Variants in STARD9 observed in about 807,000 individuals in gnomAD.
STARD9 encodes the protein stAR-related lipid transfer protein 9.
A neutral mutation model predicts 399.8 loss-of-function variants in STARD9; 346 were observed. The ratio of observed to expected loss-of-function variants is 0.87; its 90% confidence interval spans 0.79 to 0.95. The LOEUF is 0.95. Ranked by LOEUF, STARD9 falls within the 40% of genes least tolerant of loss-of-function variation. The pLI is 0.00. For missense variants in STARD9, 5,832 were observed against 5,667.5 expected (o/e 1.03, Z -0.93); for synonymous variants, 2,203 against 2,143.5 (o/e 1.03, Z -0.77).
Position 42,674,788 on chromosome 15 carries a change from A to G in STARD9, c.1550-39A>G, listed in dbSNP as rs759951883. Reference sequence around the variant, plus strand: ...AGAAATGGAGAGGGTGTTTCCCTGCATCGTCCTCCCACCCAAGTGACCACC... The same window carrying G: ...AGAAATGGAGAGGGTGTTTCCCTGCGTCGTCCTCCCACCCAAGTGACCACC... On this transcript the variant is annotated intron_variant, in intron 17 of 32. Coordinates refer to ENST00000290607, the MANE Select transcript of STARD9 (RefSeq NM_020759.3). 3.4e-6 allele frequency: 5 copies of G among 1,491,764 alleles called. No individual in the cohort carries two copies. In the Admixed American group the frequency reaches 9.0e-5, roughly 27 times the overall value. The allele number at this position is 1,491,764 out of a possible 1,614,324, so 92.4% of individuals were successfully genotyped here. A position where few individuals can be genotyped will look rare whatever the true frequency, so the allele number is the denominator to read the frequency against.
intron 1 of STARD9, 99 bp downstream of exon 1, chr15:42,575,861 G>A: frequency 7.5e-7 from 1 of 1,341,520 alleles, no homozygotes; most frequent in Non-Finnish European, 1.0e-6. Flanking sequence ...CGCAGAAATC[G>A]GTGACAAAGT....
intron 3 of STARD9, among the ~76,000 whole-genome samples, chr15:42,612,568 G>T (rs1309877590): frequency 3.3e-5 from 5 of 152,170 alleles, no homozygotes; most frequent in Non-Finnish European, 7.3e-5. Context: ...GAGGAGGGAA[G>T]TGTTAGAGCT....
chr15:42,577,443 G>T (rs1330126001), intron 1 of STARD9, among the ~76,000 whole-genome samples: 11 of 152,206 alleles, frequency 7.2e-5, no homozygotes, highest in Admixed American at 7.2e-4. Flanking sequence ...GTGAGCCACT[G>T]CGCCCAGCCG....
chr15:42,691,483 A>G lies in STARD9; in HGVS notation c.9905A>G (p.His3302Arg). ...GGCAGAGAGCAGCCAGCACCCAACCACAGGGGCTCACTTCCTGTGACTACA... is the reference window on the plus strand; with the variant it reads ...GGCAGAGAGCAGCCAGCACCCAACCGCAGGGGCTCACTTCCTGTGACTACA... ...YTGREQPAPN[H>R]RGSLPVTTIF... The change falls in exon 23 of 33, where the codon CAC becomes CGC. Residue 3302 changes from histidine (H) to arginine (R), a missense_variant. Physicochemically the swap from His to Arg is conservative, Grantham distance 29 (BLOSUM62 0). Around this residue, in one of 2 missense-constraint regions of STARD9, gnomAD observed 5,828 missense variants for 5,651.1 expected, o/e 1.03. Coordinates refer to ENST00000290607, the MANE Select transcript of STARD9 (RefSeq NM_020759.3). 1 of 1,537,178 alleles carries G rather than the reference A, an allele frequency of 6.5e-7. No individual in the cohort carries two copies. Among genetic ancestry groups the G allele is most frequent in the Non-Finnish European group, 8.7e-7 (1 of 1,146,878 alleles).
Position 42,691,102 on chromosome 15 carries a change from C to G in STARD9, c.9524C>G (p.Pro3175Arg). Residue 3175 changes from proline to arginine, a missense_variant, in exon 23 of 33, where the codon CCA becomes CGA. By Grantham distance (103) the Pro-to-Arg change is moderately radical (BLOSUM62 -2). Transcript: ENST00000290607. The stretch of plus-strand genomic sequence containing the variant: ...ACCACTAGATGTTTTTTGGAAAAGC[C>G]ACAATTTTCCACTGAGTTGAGGGAT... ...ENTTRCFLEK[P>R]QFSTELRDHN... 2 of 1,537,152 alleles carry G rather than the reference C, an allele frequency of 1.3e-6. No homozygotes were observed. The highest frequency in any genetic ancestry group is 1.7e-6 in the Non-Finnish European group (2 of 1,146,882).
At position 42,682,171 on chromosome 15, in the gene STARD9, G is replaced by T. The variant is rs2060444568; in HGVS notation, c.2133G>T (p.Gln711His). The T allele has an allele frequency of 1.3e-6, 2 of 1,537,248 alleles. No homozygotes were observed. The highest frequency in any genetic ancestry group is 1.7e-6 in the Non-Finnish European group (2 of 1,146,906). ...TGCAACAGCAGCAGCAAGAAGACCA[G>T]GTAGCAGAGAAAGAACTTGAGGCAT... ...ASLQQQQQED[Q>H]VAEKELEASV... Residue 711 changes from glutamine to histidine, a missense_variant, in exon 22 of 33, where the codon CAG becomes CAT. Physicochemically the swap from Gln to His is conservative, Grantham distance 24. Transcript: ENST00000290607.
chr15:42,625,647 AT>A (rs11399920), intron 3 of STARD9, among the ~76,000 whole-genome samples: 9 of 138,580 alleles, frequency 6.5e-5, no homozygotes, highest in Admixed American at 3.0e-4. Flanking sequence ...TCTTCTTCCT[AT>A]TTTTTTTTTT....
Position 42,688,637 on chromosome 15 carries a change from A to G in STARD9, c.7059A>G (p.Leu2353=), listed in dbSNP as rs1431952603. The change falls in exon 23 of 33, where the codon CTA becomes CTG. Residue 2353 remains leucine (L), a synonymous_variant. Coordinates refer to ENST00000290607, the MANE Select transcript of STARD9 (RefSeq NM_020759.3). ...GGTGTCTTCATGTACCTGTTGCTCT[A>G]GGCATCTCTTCACTTGACTGTGTGC... ...PRRCLHVPVA[L]GISSLDCVLD... is the part of the protein sequence containing the mutation. 6 of 1,537,604 alleles carry G rather than the reference A, an allele frequency of 3.9e-6. No homozygotes were observed. The highest frequency in any genetic ancestry group is 5.2e-6 in the Non-Finnish European group (6 of 1,146,994).
intron 7 of STARD9, among the ~76,000 whole-genome samples, chr15:42,643,727 A>G (rs2059590037): frequency 6.6e-6 from 1 of 151,828 alleles, no homozygotes; most frequent in Admixed American, 6.6e-5. Flanking sequence ...CAAACTCCTG[A>G]CCTTGTGATC....
intron 26 of STARD9, among the ~76,000 whole-genome samples, chr15:42,715,547 C>T (rs904530851): frequency 6.8e-6 from 1 of 146,586 alleles, no homozygotes; most frequent in East Asian, 2.0e-4. Flanking sequence ...GAGATGGAGT[C>T]TCTCTCTGTT....
intron 3 of STARD9, among the ~76,000 whole-genome samples, chr15:42,609,449 T>C (rs1267684435): frequency 6.6e-6 from 1 of 151,966 alleles, no homozygotes; most frequent in East Asian, 1.9e-4. Flanking sequence ...AAAACTTTTT[T>C]TTTTTTTTTG....
chr15:42,578,173 C>T (rs1166310834), intron 1 of STARD9, among the ~76,000 whole-genome samples: 4 of 151,172 alleles, frequency 2.6e-5, no homozygotes, highest in East Asian at 1.9e-4. Context: ...TGCAATGGCG[C>T]GATCTCAGCT....
At position 42,690,302 on chromosome 15, in the gene STARD9, TC is replaced by T; in HGVS notation, c.8726del (p.Pro2909LeufsTer17). 6.5e-7 allele frequency: 1 copy of T among 1,537,188 alleles called. No homozygotes were observed. The highest frequency in any genetic ancestry group is 8.7e-7 in the Non-Finnish European group (1 of 1,146,898). ...TGCCAGATCAAAGACCAAGCGCAAA[TC>T]CTGGGGGAATTGGGGAGGAAGCCCC... Reference protein sequence around the residue: ...PLPDQRPSANPGGIGEEAPCR... With the variant: ...PLPDQRPSANXGGIGEEAPCR... On this transcript the variant is annotated frameshift_variant, in exon 23 of 33. Transcript: ENST00000290607. LOFTEE classifies it high-confidence loss of function.
intron 7 of STARD9, among the ~76,000 whole-genome samples, chr15:42,645,586 G>A (rs1209448506): frequency 1.3e-5 from 2 of 150,490 alleles, no homozygotes; most frequent in East Asian, 3.9e-4. Flanking sequence ...TTTTGAGAGA[G>A]GGAGGGTCTT....
chr15:42,655,099 T>C (rs1427789912), intron 9 of STARD9, among the ~76,000 whole-genome samples: 1 of 152,122 alleles, frequency 6.6e-6, no homozygotes, highest in African/African-American at 2.4e-5. Flanking sequence ...CTGGCCAACA[T>C]GGTGAAACCC....
At chr15:42,600,103 T>C (rs1420246356) in intron 3 of STARD9, among the ~76,000 whole-genome samples, 5 of 152,192 alleles carry the variant, frequency 3.3e-5, no homozygotes, top group African/African-American at 1.2e-4. Context: ...AGTGCCCATC[T>C]TTCCAAGTGT....
Position 42,687,836 on chromosome 15 carries a change from C to G in STARD9, c.6258C>G (p.Phe2086Leu). ...CAGGAACCGATAAGGAGTTGGTGTT[C>G]CAGGACCAGAAGGAGCAGGAGAAGA... ...HTPGTDKELV[F>L]QDQKEQEKTD... The change falls in exon 23 of 33, where the codon TTC becomes TTG. Residue 2086 changes from phenylalanine (F) to leucine (L), a missense_variant. Physicochemically the swap from Phe to Leu is conservative, Grantham distance 22 (BLOSUM62 0). Around this residue, in one of 2 missense-constraint regions of STARD9, gnomAD observed 5,828 missense variants for 5,651.1 expected, o/e 1.03. Transcript: ENST00000290607. The G allele has an allele frequency of 6.5e-7, 1 of 1,537,342 alleles. No homozygotes were observed. Among genetic ancestry groups the G allele is most frequent in the South Asian group, 1.2e-5 (1 of 84,058 alleles).
chr15:42,685,973 G>T lies in STARD9; in HGVS notation c.4395G>T (p.Val1465=). 6.5e-7 allele frequency: 1 copy of T among 1,537,256 alleles called. No individual in the cohort carries two copies. The highest frequency in any genetic ancestry group is 8.7e-7 in the Non-Finnish European group (1 of 1,146,926). ...CCCACAATTCTAGCGTATCAAACGT[G>T]CTGGCTGCCTCTGCCACCACCTTGA... ...EASHNSSVSN[V]LAASATTLTH... Residue 1465 remains valine (V), a synonymous_variant, in exon 23 of 33, where the codon GTG becomes GTT. Coordinates refer to ENST00000290607, the MANE Select transcript of STARD9 (RefSeq NM_020759.3).
chr15:42,694,275 AGT>A lies in STARD9; in HGVS notation c.12699_12700del (p.Ser4233ArgfsTer9). 1 of 1,523,340 alleles carries A rather than the reference AGT, an allele frequency of 6.6e-7. No individual in the cohort carries two copies. The highest frequency in any genetic ancestry group is 8.8e-7 in the Non-Finnish European group (1 of 1,139,764). 94.4% of individuals were successfully genotyped at this position (1,523,340 alleles called of 1,614,324 possible). ...EADALLQVLQ[S>X]GTGEALAADE... The stretch of plus-strand genomic sequence containing the variant: ...CGATGCCCTGCTCCAGGTGCTGCAG[AGT>A]GGGACAGGGGAGGCGCTTGCTGCTG... On this transcript the variant is annotated frameshift_variant, in exon 23 of 33. Coordinates refer to ENST00000290607, the MANE Select transcript of STARD9 (RefSeq NM_020759.3). LOFTEE classifies it high-confidence loss of function.
Sources: allele counts gnomAD v4.1 joint callset (sites outside exome capture counted in the v4.1 genomes callset), GRCh38; gene constraint gnomAD v4.1.1; regional missense constraint gnomAD v4.1.1; transcripts MANE v1.5; gene names NCBI Gene and HGNC (gene_info 2026-07-23, HGNC 2026-07-21).